RIMS2: variants seen among roughly 807,000 people sequenced by gnomAD.
The protein encoded by RIMS2 is regulating synaptic membrane exocytosis protein 2.
A neutral mutation model predicts 174.4 loss-of-function variants in RIMS2; 59 were observed. That is an observed-to-expected ratio of 0.34 (90% CI 0.27 to 0.42). The LOEUF (loss-of-function observed/expected upper bound fraction) is 0.42. RIMS2 is among the 10% of genes least tolerant of loss of function. RIMS2 has a pLI of 1.00. For missense variants in RIMS2, 1,620 were observed against 1,666.3 expected (o/e 0.97, Z 0.48); for synonymous variants, 606 against 572.5 (o/e 1.06, Z -0.84).
chr8:103,534,752 TA>T (rs1839021298), intron 1 of RIMS2, among the ~76,000 whole-genome samples: 1 of 152,224 alleles, frequency 6.6e-6, no homozygotes, highest in Non-Finnish European at 1.5e-5. Context: ...AGTAGACCTG[TA>T]TTATTACATT....
rs192537322 is a variant in RIMS2, at chr8:103,659,203, C to T, written c.177-37883C>T. Reference sequence around the variant, plus strand: ...GATATGGAGGCAGTCACAGTGGTGCCTGTGGGGACAGAGGAGGGAATGGGT... The same window carrying T: ...GATATGGAGGCAGTCACAGTGGTGCTTGTGGGGACAGAGGAGGGAATGGGT... On this transcript the variant is annotated intron_variant, in intron 1 of 23. Transcript: ENST00000504942. Among the ~76,000 whole-genome samples, 547 of 152,226 alleles carry T rather than the reference C, an allele frequency of 3.6e-3. 3 individuals carry two copies. Among genetic ancestry groups the T allele is most frequent in the African/African-American group, 0.013 (528 of 41,542 alleles).
chr8:103,812,340 T>TTTTTG (rs1554843377), intron 3 of RIMS2, among the ~76,000 whole-genome samples: 1 of 146,716 alleles, frequency 6.8e-6, no homozygotes, highest in East Asian at 2.1e-4. Context: ...TGTTTTTTTT[T>TTTTTG]TTTTTTTTTT....
At chr8:103,539,566 GA>G (rs1279634285) in intron 1 of RIMS2, among the ~76,000 whole-genome samples, 3 of 152,210 alleles carry the variant, frequency 2.0e-5, no homozygotes, top group African/African-American at 7.2e-5. Context: ...CTATCAGTAT[GA>G]GCTATATTGT....
At chr8:103,708,831 G>A (rs2097265770) in intron 2 of RIMS2, among the ~76,000 whole-genome samples, 1 of 152,038 alleles carries the variant, frequency 6.6e-6, no homozygotes, top group Non-Finnish European at 1.5e-5. Flanking sequence ...GAGGGCCTGG[G>A]GGAATTTTGG....
At chr8:103,657,363 A>T in intron 1 of RIMS2, among the ~76,000 whole-genome samples, 1 of 152,196 alleles carries the variant, frequency 6.6e-6, no homozygotes, top group East Asian at 1.9e-4. Context: ...TAATTATGTA[A>T]GACAGAAGTG....
chr8:103,549,251 A>C (rs36182039), intron 1 of RIMS2, among the ~76,000 whole-genome samples: 1 of 152,148 alleles, frequency 6.6e-6, no homozygotes, highest in Non-Finnish European at 1.5e-5. Flanking sequence ...AGGGAAGGCT[A>C]TCAGACTAAC....
intron 17 of RIMS2, among the ~76,000 whole-genome samples, chr8:103,999,493 A>T (rs1433495568): frequency 6.6e-6 from 1 of 151,622 alleles, no homozygotes; most frequent in Non-Finnish European, 1.5e-5. Context: ...CTGTTGCTAT[A>T]TGTTGCATTC....
At chr8:104,190,927 C>G (rs1168781461) in intron 19 of RIMS2, among the ~76,000 whole-genome samples, 1 of 124,896 alleles carries the variant, frequency 8.0e-6, no homozygotes, top group Non-Finnish European at 1.6e-5. Flanking sequence ...TAATTCTTCT[C>G]TTTTTTTGTT....
At chr8:103,926,230 G>T (rs752749568) in intron 10 of RIMS2, among the ~76,000 whole-genome samples, 1 of 151,560 alleles carries the variant, frequency 6.6e-6, no homozygotes, top group Non-Finnish European at 1.5e-5. Context: ...GAAATAAAAT[G>T]TATTTCTAAA....
At chr8:103,741,025 T>A (rs1423433804) in intron 2 of RIMS2, among the ~76,000 whole-genome samples, 9 of 152,122 alleles carry the variant, frequency 5.9e-5, no homozygotes, top group African/African-American at 2.2e-4. Context: ...TTTAAGAATT[T>A]CAGTGACCAT....
At chr8:104,195,924 A>G (rs1362170642) in intron 19 of RIMS2, among the ~76,000 whole-genome samples, 2 of 152,150 alleles carry the variant, frequency 1.3e-5, no homozygotes, top group African/African-American at 4.8e-5. Flanking sequence ...ATATAATTAA[A>G]AGACTTTTAA....
chr8:103,885,174 TAAAATGAAATTTTAA>T, intron 3 of RIMS2, 109 bp from the exon 7 acceptor site: 1 of 1,363,630 alleles, frequency 7.3e-7, no homozygotes, highest in Non-Finnish European at 9.6e-7. Flanking sequence ...GCTATGCCTT[TAAAATGAAATTTTAA>T]AAAGGCAAAA....
At chr8:103,854,961 G>T (rs1400696149) in intron 3 of RIMS2, among the ~76,000 whole-genome samples, 1 of 152,040 alleles carries the variant, frequency 6.6e-6, no homozygotes, top group East Asian at 1.9e-4. Flanking sequence ...ATAACTGGTA[G>T]AACTCAGCTG....
intron 3 of RIMS2, among the ~76,000 whole-genome samples, chr8:103,818,137 T>C (rs1249515139): frequency 1.3e-5 from 2 of 152,164 alleles, no homozygotes; most frequent in African/African-American, 4.8e-5. Flanking sequence ...TGTTGTTCTT[T>C]TGTGACATGA....
At chr8:104,054,691 TC>T (rs2096840217) in intron 19 of RIMS2, among the ~76,000 whole-genome samples, 1 of 152,124 alleles carries the variant, frequency 6.6e-6, no homozygotes, top group Non-Finnish European at 1.5e-5. Context: ...TCTTATCTGT[TC>T]TTATATTAGA....
At chr8:103,858,191 C>A (rs551661410) in intron 3 of RIMS2, among the ~76,000 whole-genome samples, 2 of 152,290 alleles carry the variant, frequency 1.3e-5, no homozygotes, top group Non-Finnish European at 2.9e-5. Context: ...GCTTCAAAAA[C>A]ATTTGCATAC....
At chr8:103,997,914 C>CAT (rs75322686) in intron 17 of RIMS2, among the ~76,000 whole-genome samples, 19,158 of 151,262 alleles carry the variant, frequency 0.13, 1,678 homozygotes, top group Non-Finnish European at 0.19. Flanking sequence ...TATCATATAA[C>CAT]ATTCTAGGTG....
chr8:103,681,747 G>A (rs900452876), intron 1 of RIMS2, among the ~76,000 whole-genome samples: 15 of 152,030 alleles, frequency 9.9e-5, no homozygotes, highest in African/African-American at 3.4e-4. Flanking sequence ...AGAACAATTA[G>A]CAGTGAGAGA....
At chr8:103,913,640 A>C (rs1388177745) in intron 6 of RIMS2, among the ~76,000 whole-genome samples, 1 of 152,164 alleles carries the variant, frequency 6.6e-6, no homozygotes, top group Non-Finnish European at 1.5e-5. Context: ...CTTTAAAGGA[A>C]GCATGATGCC....
Sources: allele counts gnomAD v4.1 joint callset (sites outside exome capture counted in the v4.1 genomes callset), GRCh38; gene constraint gnomAD v4.1.1; transcripts MANE v1.5; gene names NCBI Gene and HGNC (gene_info 2026-07-23, HGNC 2026-07-21).